The following NRG3 variants were observed in gnomAD, a reference collection of about 807,000 sequenced individuals.
NRG3 encodes neuregulin 3, also known as pro-neuregulin-3, membrane-bound isoform.
A neutral mutation model predicts 66.9 loss-of-function variants in NRG3; 31 were observed. The observed-to-expected ratio is 0.46, with a 90% CI of 0.35 to 0.63. The LOEUF (loss-of-function observed/expected upper bound fraction) is 0.63, where lower values mean the gene tolerates loss of function less well. Ranked by LOEUF, NRG3 falls within the 20% of genes least tolerant of loss-of-function variation. The pLI is 0.00. For synonymous variants in NRG3, 393 were observed against 359.4 expected, an observed-to-expected ratio of 1.09 and a Z score of -1.06; for missense variants, 910 against 878.9, an observed-to-expected ratio of 1.04 and a Z score of -0.45.
intron 1 of NRG3, among the ~76,000 whole-genome samples, chr10:82,093,859 C>T (rs2066176848): frequency 6.6e-6 from 1 of 152,134 alleles, no homozygotes; most frequent in African/African-American, 2.4e-5. Flanking sequence ...TGGCAGCCAC[C>T]ACTGACATAC....
At chr10:82,496,769 C>T (rs965821196) in intron 2 of NRG3, among the ~76,000 whole-genome samples, 4 of 151,986 alleles carry the variant, frequency 2.6e-5, no homozygotes, top group Non-Finnish European at 4.4e-5. Context: ...CATACATTGC[C>T]GTGAATATTT....
intron 1 of NRG3, among the ~76,000 whole-genome samples, chr10:81,909,584 A>T (rs971274944): frequency 1.3e-5 from 2 of 152,158 alleles, no homozygotes; most frequent in African/African-American, 2.4e-5. Context: ...CAAACCTGTG[A>T]CTGGTTCTTG....
At chr10:82,208,997 C>T (rs2075266194) in intron 1 of NRG3, among the ~76,000 whole-genome samples, 8 of 152,004 alleles carry the variant, frequency 5.3e-5, no homozygotes, top group Admixed American at 5.2e-4. Flanking sequence ...GAGAGGAGAG[C>T]TTGAGAGAAG....
rs537195813 is a variant in NRG3, at chr10:82,621,231, G to A, written c.954-117346G>A. On this transcript the variant is annotated intron_variant, in intron 2 of 8. Coordinates refer to ENST00000372141, the MANE Select transcript of NRG3 (RefSeq NM_001010848.4). ...GCTAGTTAAAATACTTATTGACCAGGATGAAGTCAGACCTGCTGAAGTTTA... is the reference window on the plus strand; with the variant it reads ...GCTAGTTAAAATACTTATTGACCAGAATGAAGTCAGACCTGCTGAAGTTTA... Among the ~76,000 whole-genome samples, 4 of 152,282 alleles carry A rather than the reference G, an allele frequency of 2.6e-5. No individual in the cohort carries two copies. The South Asian group carries it at 8.3e-4, about 32-fold the overall frequency.
At chr10:82,625,537 A>C (rs2049360438) in intron 2 of NRG3, among the ~76,000 whole-genome samples, 1 of 152,154 alleles carries the variant, frequency 6.6e-6, no homozygotes, top group Admixed American at 6.6e-5. Flanking sequence ...ATCCTTCTTA[A>C]TGTAGGGCCC....
intron 2 of NRG3, among the ~76,000 whole-genome samples, chr10:82,728,908 G>C (rs2057750839): frequency 6.6e-6 from 1 of 152,146 alleles, no homozygotes; most frequent in South Asian, 2.1e-4. Flanking sequence ...ACTGTCCTCT[G>C]ACTTTGCTGT....
At chr10:82,672,031 T>C (rs1235533938) in intron 2 of NRG3, among the ~76,000 whole-genome samples, 1 of 152,220 alleles carries the variant, frequency 6.6e-6, no homozygotes, top group East Asian at 1.9e-4. Flanking sequence ...CTAGGTTTTA[T>C]CCTTACTGAT....
chr10:82,930,073 A>G (rs552241752), intron 4 of NRG3, among the ~76,000 whole-genome samples: 2 of 152,124 alleles, frequency 1.3e-5, no homozygotes, highest in African/African-American at 2.4e-5. Context: ...ATCGTTCATA[A>G]TTGTTGGGTT....
intron 2 of NRG3, among the ~76,000 whole-genome samples, chr10:82,721,257 G>A (rs2057300870): frequency 6.8e-6 from 1 of 146,658 alleles, no homozygotes; most frequent in South Asian, 2.2e-4. Context: ...TCAGCCTCCC[G>A]AGTAGCTGGG....
chr10:82,324,572 CAA>C (rs2081760150), intron 1 of NRG3, among the ~76,000 whole-genome samples: 1 of 152,078 alleles, frequency 6.6e-6, no homozygotes, highest in South Asian at 2.1e-4. Context: ...AATTTCCCAC[CAA>C]AGTCTTACTT....
chr10:82,405,454 G>GT lies in NRG3; in HGVS notation c.953+46589dup, dbSNP rs779040062. Among the ~76,000 whole-genome samples the GT allele has an allele frequency of 1.3e-3, 186 of 139,948 alleles. 4 individuals carry two copies. Among genetic ancestry groups the GT allele is most frequent in the African/African-American group, 5.0e-3 (174 of 34,696 alleles). The allele number at this position is 139,948 out of a possible 152,430, so 91.8% of individuals were successfully genotyped here. On this transcript the variant is annotated intron_variant, in intron 2 of 8. Transcript: ENST00000372141. ...TTCTATCTTTGGAATGATCTCAGTAGTTTGTTTTTTTTTTTTTTGAAATGG... is the reference window on the plus strand; with the variant it reads ...TTCTATCTTTGGAATGATCTCAGTAGTTTTGTTTTTTTTTTTTTTGAAATGG...
chr10:82,424,659 C>T (rs111289761), intron 2 of NRG3, among the ~76,000 whole-genome samples: 273 of 152,070 alleles, frequency 1.8e-3, no homozygotes, highest in African/African-American at 6.2e-3. Flanking sequence ...TAAATTTACA[C>T]ATTTCTTTTT....
At chr10:82,548,383 G>T (rs1224449040) in intron 2 of NRG3, among the ~76,000 whole-genome samples, 1 of 151,878 alleles carries the variant, frequency 6.6e-6, no homozygotes, top group African/African-American at 2.4e-5. Flanking sequence ...TTGTCTTCTG[G>T]TTCAATGGCA....
chr10:82,555,720 T>A (rs956080532), intron 2 of NRG3, among the ~76,000 whole-genome samples: 1 of 152,202 alleles, frequency 6.6e-6, no homozygotes, highest in African/African-American at 2.4e-5. Context: ...GCATACTTGC[T>A]CAATGATTTG....
chr10:82,769,973 G>A (rs2059655410), intron 3 of NRG3, among the ~76,000 whole-genome samples: 1 of 152,018 alleles, frequency 6.6e-6, no homozygotes, highest in East Asian at 1.9e-4. Flanking sequence ...TGAATCCTGA[G>A]TCTGTAACTT....
At chr10:82,214,915 G>C (rs2075586187) in intron 1 of NRG3, among the ~76,000 whole-genome samples, 1 of 152,156 alleles carries the variant, frequency 6.6e-6, no homozygotes, top group Admixed American at 6.5e-5. Flanking sequence ...GTTTTTTCCA[G>C]CTATGGCATC....
At chr10:82,440,711 C>G (rs2090393577) in intron 2 of NRG3, among the ~76,000 whole-genome samples, 1 of 151,896 alleles carries the variant, frequency 6.6e-6, no homozygotes, top group South Asian at 2.1e-4. Flanking sequence ...GAAGATAGGT[C>G]CCATGGTAAA....
intron 4 of NRG3, among the ~76,000 whole-genome samples, chr10:82,944,674 A>G (rs930166021): frequency 7.9e-5 from 12 of 152,208 alleles, no homozygotes; most frequent in Non-Finnish European, 1.8e-4. Flanking sequence ...ACTTACTAAG[A>G]AATGTAGACA....
intron 1 of NRG3, among the ~76,000 whole-genome samples, chr10:82,295,890 C>A (rs1214423160): frequency 6.5e-5 from 9 of 138,180 alleles, no homozygotes; most frequent in African/African-American, 2.8e-4. Context: ...TTCTGAGAAC[C>A]CAAAAGTAAA....
Sources: allele counts gnomAD v4.1 joint callset (sites outside exome capture counted in the v4.1 genomes callset), GRCh38; gene constraint gnomAD v4.1.1; transcripts MANE v1.5; gene names NCBI Gene and HGNC (gene_info 2026-07-23, HGNC 2026-07-21).